The following ZDHHC14 variants were observed in gnomAD, a reference collection of about 807,000 sequenced individuals.
ZDHHC14 encodes palmitoyltransferase ZDHHC14.
Under a neutral mutation model 47.7 loss-of-function variants are expected in ZDHHC14, and 16 were observed. The ratio of observed to expected loss-of-function variants is 0.34; its 90% CI spans 0.23 to 0.51. The LOEUF is 0.51. ZDHHC14 is among the 20% of genes least tolerant of loss of function. ZDHHC14 has a pLI of 0.97. For missense variants in ZDHHC14, 515 were observed against 662.5 expected, an observed-to-expected ratio of 0.78 and a Z score of 2.44; for synonymous variants, 293 against 278.9, an observed-to-expected ratio of 1.05 and a Z score of -0.50.
At chr6:157,403,919 T>C (rs892229284) in intron 1 of ZDHHC14, among the ~76,000 whole-genome samples, 3 of 152,226 alleles carry the variant, frequency 2.0e-5, no homozygotes, top group African/African-American at 7.2e-5. Flanking sequence ...TGGCAGGTGC[T>C]GAGCATGGTG....
intron 3 of ZDHHC14, among the ~76,000 whole-genome samples, chr6:157,620,300 C>T (rs1426533449): frequency 4.6e-5 from 7 of 152,104 alleles, no homozygotes; most frequent in Admixed American, 4.6e-4. Context: ...GTCTCCCTTC[C>T]TCCTCTTATG....
chr6:157,494,566 G>A (rs1780009670), intron 1 of ZDHHC14, among the ~76,000 whole-genome samples: 1 of 152,220 alleles, frequency 6.6e-6, no homozygotes, highest in African/African-American at 2.4e-5. Flanking sequence ...AATTATGCAA[G>A]ATGCCGAGGA....
At chr6:157,618,189 G>T (rs545578645) in intron 3 of ZDHHC14, among the ~76,000 whole-genome samples, 52 of 152,320 alleles carry the variant, frequency 3.4e-4, no homozygotes, top group African/African-American at 1.2e-3. Flanking sequence ...CAGGAGTGGC[G>T]TGGACTTACT....
chr6:157,556,049 G>A (rs62425058), intron 2 of ZDHHC14, among the ~76,000 whole-genome samples: 32,971 of 152,034 alleles, frequency 0.22, 4,065 homozygotes, highest in Middle Eastern at 0.35. Context: ...GATGCGGGGC[G>A]GCAGAGACCA....
At chr6:157,398,174 G>C (rs1777561907) in intron 1 of ZDHHC14, among the ~76,000 whole-genome samples, 1 of 152,064 alleles carries the variant, frequency 6.6e-6, no homozygotes, top group Non-Finnish European at 1.5e-5. Flanking sequence ...GTAGAGTATG[G>C]AAACAGGGAC....
rs757189560 is a variant in ZDHHC14, at chr6:157,628,501, G to A, written c.703+15G>A. ...CGTCATTCTTCGTAAGTATGCTGGC[G>A]AAATCAGATTACGTATGTAACCATT... On this transcript the variant is annotated intron_variant, in intron 4 of 8. Transcript: ENST00000359775. 1.0e-5 allele frequency: 16 copies of A among 1,607,318 alleles called. No homozygotes were observed. The highest frequency in any genetic ancestry group is 4.5e-5 in the East Asian group (2 of 44,846).
chr6:157,571,548 G>A (rs1421997940), intron 2 of ZDHHC14, among the ~76,000 whole-genome samples: 3 of 152,146 alleles, frequency 2.0e-5, no homozygotes, highest in Admixed American at 1.3e-4. Flanking sequence ...AGCTCTTTGG[G>A]TGACGGGAGC....
chr6:157,436,572 A>G (rs1778442679), intron 1 of ZDHHC14, among the ~76,000 whole-genome samples: 1 of 96,466 alleles, frequency 1.0e-5, no homozygotes, highest in Non-Finnish European at 1.9e-5. Flanking sequence ...GAGGACTTGA[A>G]CTGCTGGGGG....
chr6:157,597,546 A>G (rs1388882047), intron 3 of ZDHHC14, among the ~76,000 whole-genome samples: 1 of 152,288 alleles, frequency 6.6e-6, no homozygotes, highest in East Asian at 1.9e-4. Flanking sequence ...AAACACTGCC[A>G]GCATTTTTGC....
intron 8 of ZDHHC14, among the ~76,000 whole-genome samples, chr6:157,669,336 G>A (rs111677184): frequency 1.3e-5 from 2 of 152,022 alleles, no homozygotes; most frequent in African/African-American, 4.8e-5. Flanking sequence ...GGGGTGGTGG[G>A]GGGGGAAGAC....
Position 157,396,642 on chromosome 6 carries a change from C to G in ZDHHC14, c.245+14376C>G, listed in dbSNP as rs1473326858. 2.0e-5 allele frequency among the ~76,000 whole-genome samples: 3 copies of G among 152,110 alleles called. No individual in the cohort carries two copies. The South Asian group carries it at 6.2e-4, about 31-fold the overall frequency. ...ACACACAGTCAAATGGTGATTATGG[C>G]TCTATTTGGGAAACACACTGAGTTT... On this transcript the variant is annotated intron_variant, in intron 1 of 8. Coordinates refer to ENST00000359775, the MANE Select transcript of ZDHHC14 (RefSeq NM_024630.3).
Position 157,555,888 on chromosome 6 carries a change from G to A in ZDHHC14, c.406+13143G>A, listed in dbSNP as rs544155407. On this transcript the variant is annotated intron_variant, in intron 2 of 8. Transcript: ENST00000359775. ...TCACCCCCAGTAGAGAACCACTGCT[G>A]TAATGTGAACTGAATTTGTGAGGGC... Among the ~76,000 whole-genome samples, 7 of 152,312 alleles carry A rather than the reference G, an allele frequency of 4.6e-5. No homozygotes were observed. In the East Asian group the frequency reaches 7.7e-4, roughly 17 times the overall value.
intron 1 of ZDHHC14, among the ~76,000 whole-genome samples, chr6:157,393,360 G>A (rs1454644268): frequency 1.3e-5 from 2 of 152,202 alleles, no homozygotes; most frequent in African/African-American, 4.8e-5. Context: ...GGCCCTGCCT[G>A]TGACTTGCCC....
chr6:157,517,629 C>T (rs1419869356), intron 1 of ZDHHC14, among the ~76,000 whole-genome samples: 14 of 152,090 alleles, frequency 9.2e-5, no homozygotes, highest in African/African-American at 3.4e-4. Context: ...TCTCTTAAGC[C>T]GTACTGTGTA....
intron 2 of ZDHHC14, among the ~76,000 whole-genome samples, chr6:157,570,744 T>C (rs745652643): frequency 6.7e-6 from 1 of 148,386 alleles, no homozygotes; most frequent in Non-Finnish European, 1.5e-5. Context: ...GATATATATA[T>C]GTATATACAT....
intron 2 of ZDHHC14, among the ~76,000 whole-genome samples, chr6:157,558,773 A>G (rs1782582415): frequency 2.1e-5 from 3 of 142,016 alleles, no homozygotes; most frequent in South Asian, 2.4e-4. Context: ...CACCAAGTGA[A>G]CTTTGGTGGT....
At chr6:157,461,343 T>C (rs1779082644) in intron 1 of ZDHHC14, among the ~76,000 whole-genome samples, 1 of 152,254 alleles carries the variant, frequency 6.6e-6, no homozygotes, top group African/African-American at 2.4e-5. Context: ...TAAATTTTTG[T>C]TCCTCTTGGT....
intron 2 of ZDHHC14, among the ~76,000 whole-genome samples, chr6:157,575,593 C>A (rs148571090): frequency 1.8e-3 from 271 of 152,308 alleles, no homozygotes; most frequent in Admixed American, 2.8e-3. Context: ...TGGTTCCCTG[C>A]TCCCAGCGAG....
At chr6:157,545,691 TAGA>T (rs1351430507) in intron 2 of ZDHHC14, among the ~76,000 whole-genome samples, 1 of 146,150 alleles carries the variant, frequency 6.8e-6, no homozygotes, top group Non-Finnish European at 1.5e-5. Context: ...AAAAAAAAAG[TAGA>T]AGGAGGGTGG....
Sources: gnomAD v4.1 joint callset for allele counts (sites outside exome capture counted in the v4.1 genomes callset) on GRCh38, gnomAD v4.1.1 for gene constraint, MANE v1.5 for transcripts, NCBI Gene and HGNC (gene_info 2026-07-23, HGNC 2026-07-21) for gene names.